BCL11B: variants seen among roughly 807,000 people sequenced by gnomAD.
The protein encoded by BCL11B is B-cell lymphoma/leukemia 11B.
A neutral mutation model predicts 49.9 loss-of-function variants in BCL11B; 8 were observed. That is an observed-to-expected ratio of 0.16 (90% CI 0.09 to 0.29). The LOEUF (loss-of-function observed/expected upper bound fraction) is 0.29. BCL11B is among the 10% of genes least tolerant of loss of function. The pLI, the probability that BCL11B is intolerant of heterozygous loss-of-function variation, is 1.00. For missense variants in BCL11B, 1,006 were observed against 1,351.0 expected (o/e 0.74, Z 4.00); for synonymous variants, 739 against 637.4 (o/e 1.16, Z -2.40).
Position 99,192,763 on chromosome 14 carries a change from A to T in BCL11B, c.641-16568T>A, listed in dbSNP as rs186074470. ...AGTTCCTTATCCATAAATGCGAGTG[A>T]CACCTGTATTGAGGATGTGGAAAGA... On this transcript the variant is annotated intron_variant, in intron 3 of 3. Coordinates refer to ENST00000357195, the MANE Select transcript of BCL11B (RefSeq NM_138576.4). This position sits in a 1 kb window ranked among gnomAD's most constrained non-coding sequence, Gnocchi z 4.0. Among the ~76,000 whole-genome samples the T allele has an allele frequency of 6.6e-6, 1 of 152,312 alleles. No individual in the cohort carries two copies. The highest frequency in any genetic ancestry group is 6.5e-5 in the Admixed American group (1 of 15,304).
chr14:99,262,733 A>G lies in BCL11B; in HGVS notation c.59-4894T>C, dbSNP rs1889372128. ...ATCTCCTCTCCGTGAACACTTGGGG[A>G]GGGGCTGGGACTCCAGGCGACACGG... On this transcript the variant is annotated intron_variant, in intron 1 of 3. Transcript: ENST00000357195. This position sits in a 1 kb window ranked among gnomAD's most constrained non-coding sequence, Gnocchi z 4.2. Among the ~76,000 whole-genome samples the G allele has an allele frequency of 6.6e-6, 1 of 151,938 alleles. No individual in the cohort carries two copies. The highest frequency in any genetic ancestry group is 2.4e-5 in the African/African-American group (1 of 41,370).
At position 99,262,554 on chromosome 14, in the gene BCL11B, G is replaced by A. The variant is rs544500427; in HGVS notation, c.59-4715C>T. Among the ~76,000 whole-genome samples the A allele has an allele frequency of 1.3e-3, 201 of 152,296 alleles. 1 individual carries two copies. Among genetic ancestry groups the A allele is most frequent in the Non-Finnish European group, 2.1e-3 (142 of 68,028 alleles). ...ATCGTGTGCCACCAACGTCACAACC[G>A]CCATCATGATGTGTACGCATGTTTA... On this transcript the variant is annotated intron_variant, in intron 1 of 3. Transcript: ENST00000357195. This position sits in a 1 kb window ranked among gnomAD's most constrained non-coding sequence, Gnocchi z 4.2.
At chr14:99,263,462 C>G (rs543660647) in intron 1 of BCL11B, among the ~76,000 whole-genome samples, 2 of 152,318 alleles carry the variant, frequency 1.3e-5, no homozygotes, top group South Asian at 2.1e-4. Flanking sequence ...TTGGGCCTGG[C>G]CTGCAGGCCA....
chr14:99,176,283 G>A (rs1886527158), intron 3 of BCL11B, 88 bp from the exon 4 acceptor site: 5 of 1,224,190 alleles, frequency 4.1e-6, no homozygotes, highest in Non-Finnish European at 5.6e-6. Context: ...CCTGGGGGAC[G>A]CGGCCCGGGC....
chr14:99,246,912 G>T (rs1176447211), intron 2 of BCL11B, among the ~76,000 whole-genome samples: 1 of 152,194 alleles, frequency 6.6e-6, no homozygotes, highest in Non-Finnish European at 1.5e-5. Flanking sequence ...AATTGCAGTA[G>T]CGGGGAGGCA....
chr14:99,178,784 T>C (rs529054085), intron 3 of BCL11B, among the ~76,000 whole-genome samples: 1 of 152,328 alleles, frequency 6.6e-6, no homozygotes, highest in East Asian at 1.9e-4. Flanking sequence ...ATCTTCAAAT[T>C]AAAGATCGTT....
intron 3 of BCL11B, among the ~76,000 whole-genome samples, chr14:99,227,517 G>A (rs1888192364): frequency 6.6e-6 from 1 of 152,142 alleles, no homozygotes; most frequent in Non-Finnish European, 1.5e-5. Context: ...ATTCTGGCAT[G>A]CGGGGCACAA....
At position 99,247,656 on chromosome 14, in the gene BCL11B, G is replaced by A. The variant is rs1888885960; in HGVS notation, c.427+9815C>T. ...CCTTTGGCACCTGCAGTCATCAGGA[G>A]GTAGACGCGTGTTTTCTGGACACTC... is the stretch of plus-strand genomic sequence containing the variant. On this transcript the variant is annotated intron_variant, in intron 2 of 3. Transcript: ENST00000357195. This position sits in a 1 kb window ranked among gnomAD's most constrained non-coding sequence, Gnocchi z 4.5. Among the ~76,000 whole-genome samples, 1 of 152,234 alleles carries A rather than the reference G, an allele frequency of 6.6e-6. No homozygotes were observed. The highest frequency in any genetic ancestry group is 6.5e-5 in the Admixed American group (1 of 15,288).
chr14:99,244,887 G>C (rs530633375), intron 2 of BCL11B, among the ~76,000 whole-genome samples: 1 of 152,122 alleles, frequency 6.6e-6, no homozygotes, highest in Non-Finnish European at 1.5e-5. Flanking sequence ...ATAGGTATAC[G>C]CATATTTTTA....
At chr14:99,204,446 T>G (rs978624662) in intron 3 of BCL11B, among the ~76,000 whole-genome samples, 2 of 152,130 alleles carry the variant, frequency 1.3e-5, no homozygotes, top group African/African-American at 4.8e-5. Flanking sequence ...CCAACAGCCT[T>G]GGGGTAGGGG....
intron 3 of BCL11B, among the ~76,000 whole-genome samples, chr14:99,208,043 T>C (rs1264765010): frequency 1.3e-5 from 2 of 152,076 alleles, no homozygotes; most frequent in Non-Finnish European, 2.9e-5. Flanking sequence ...GTAAATGAAG[T>C]CTACCCCAGG....
chr14:99,190,104 C>T (rs1016254769), intron 3 of BCL11B, among the ~76,000 whole-genome samples: 1 of 152,258 alleles, frequency 6.6e-6, no homozygotes, highest in Non-Finnish European at 1.5e-5. Flanking sequence ...TGACACCTGG[C>T]ACCCGACCCT....
chr14:99,172,510 ATT>A lies in BCL11B; in HGVS notation c.*1639_*1640del. 4.8e-6 allele frequency: 1 copy of A among 206,524 alleles called. No homozygotes were observed. The highest frequency in any genetic ancestry group is 1.9e-4 in the South Asian group (1 of 5,296). 12.8% of individuals were successfully genotyped at this position (206,524 alleles called of 1,614,324 possible). On this transcript the variant is annotated 3_prime_UTR_variant, in exon 4 of 4. Coordinates refer to ENST00000357195, the MANE Select transcript of BCL11B (RefSeq NM_138576.4). ...TTTCATTTCAAAAAAAAAGTTTTGC[ATT>A]TGTCTCAAGAGACTCAAATAGGAAG...
At chr14:99,181,466 G>C (rs1040305992) in intron 3 of BCL11B, among the ~76,000 whole-genome samples, 5 of 152,206 alleles carry the variant, frequency 3.3e-5, no homozygotes, top group African/African-American at 1.2e-4. Flanking sequence ...TCCTCCTCAG[G>C]CTTCCCAACC....
At position 99,172,159 on chromosome 14, in the gene BCL11B, T is replaced by C. The variant is rs539667692; in HGVS notation, c.*1992A>G. On this transcript the variant is annotated 3_prime_UTR_variant, in exon 4 of 4. Coordinates refer to ENST00000357195, the MANE Select transcript of BCL11B (RefSeq NM_138576.4). ...CACTAAATTTAACTTTAGAAAAAAT[T>C]AGCCGTTGTTCCTGAATTGTTTTTG... 10 of 222,962 alleles carry C rather than the reference T, an allele frequency of 4.5e-5. No individual in the cohort carries two copies. Among genetic ancestry groups the C allele is most frequent in the African/African-American group, 2.0e-4 (9 of 44,866 alleles). 13.8% of individuals were successfully genotyped at this position (222,962 alleles called of 1,614,324 possible).
chr14:99,192,367 AC>A lies in BCL11B; in HGVS notation c.641-16173del, dbSNP rs1295276645. Among the ~76,000 whole-genome samples, 1 of 152,182 alleles carries A rather than the reference AC, an allele frequency of 6.6e-6. No individual in the cohort carries two copies. The highest frequency in any genetic ancestry group is 1.5e-5 in the Non-Finnish European group (1 of 68,024). On this transcript the variant is annotated intron_variant, in intron 3 of 3. Transcript: ENST00000357195. This position sits in a 1 kb window ranked among gnomAD's most constrained non-coding sequence, Gnocchi z 4.0. Reference sequence around the variant, plus strand: ...GTAAGCCCAGCCCTTTAAATGGGGAACAGAGCAGGGCTTTCGGGGCCCCGCT... The same window carrying A: ...GTAAGCCCAGCCCTTTAAATGGGGAAAGAGCAGGGCTTTCGGGGCCCCGCT...
Position 99,271,335 on chromosome 14 carries a change from C to T in BCL11B, c.-117G>A. On this transcript the variant is annotated 5_prime_UTR_variant, in exon 1 of 4. Transcript: ENST00000357195. ...CCGCTGCCGCCGCCGCCGCCGCCGC[C>T]GCACCTCCTCCTCTGCCCGGGTTGG... 16 of 669,608 alleles carry T rather than the reference C, an allele frequency of 2.4e-5. No individual in the cohort carries two copies. Among genetic ancestry groups the T allele is most frequent in the South Asian group, 2.1e-4 (3 of 14,314 alleles). 41.5% of individuals were successfully genotyped at this position (669,608 alleles called of 1,614,324 possible).
intron 3 of BCL11B, among the ~76,000 whole-genome samples, chr14:99,190,279 G>A (rs903445117): frequency 3.9e-5 from 6 of 152,214 alleles, no homozygotes; most frequent in Non-Finnish European, 8.8e-5. Context: ...ACGAGGTCAG[G>A]AGATCAAGAC....
chr14:99,231,419 C>A lies in BCL11B; in HGVS notation c.566G>T (p.Arg189Leu), dbSNP rs775853703. Residue 189 changes from arginine (R) to leucine (L), a missense_variant, in exon 3 of 4, where the codon CGC becomes CTC. Coordinates refer to ENST00000357195, the MANE Select transcript of BCL11B (RefSeq NM_138576.4). This position sits in a 1 kb window ranked among gnomAD's most constrained non-coding sequence, Gnocchi z 8.1. ...CTGAGTCCCGTCACCCGAGACCGGGCGCGCGCTGCAGCACGGCAGGGGGAG... is the reference window on the plus strand; with the variant it reads ...CTGAGTCCCGTCACCCGAGACCGGGAGCGCGCTGCAGCACGGCAGGGGGAG... ...PCLPLPCCSA[R>L]PVSGDGTQGE... The A allele has an allele frequency of 1.3e-6, 2 of 1,596,188 alleles. No homozygotes were observed. The highest frequency in any genetic ancestry group is 2.3e-5 in the South Asian group (2 of 88,444).
Sources: allele counts gnomAD v4.1 joint callset (sites outside exome capture counted in the v4.1 genomes callset), GRCh38; gene constraint gnomAD v4.1.1; non-coding constraint Gnocchi (gnomAD v3.1); transcripts MANE v1.5; gene names NCBI Gene and HGNC (gene_info 2026-07-23, HGNC 2026-07-21).